TYW1B: variants seen among roughly 807,000 people sequenced by gnomAD.
The protein encoded by TYW1B is tRNA-yW synthesizing protein 1 homolog B.
TYW1B carries 73 observed loss-of-function variants against 86.9 expected under a neutral mutation model. The ratio of observed to expected loss-of-function variants is 0.84; its 90% confidence interval spans 0.70 to 1.02. The LOEUF (loss-of-function observed/expected upper bound fraction) is 1.02, where lower values mean the gene tolerates loss of function less well. Ranked by LOEUF, TYW1B falls within the 50% of genes least tolerant of loss-of-function variation. The probability of loss-of-function intolerance (pLI) is 0.00; values close to 1 mark genes in which losing one functional copy is unlikely to be tolerated. For synonymous variants in TYW1B, 248 were observed against 292.8 expected (o/e 0.85, Z 1.56); for missense variants, 637 against 827.4 (o/e 0.77, Z 2.82).
chr7:72,680,045 C>T (rs1314176628), intron 11 of TYW1B, among the ~76,000 whole-genome samples: 2 of 152,190 alleles, frequency 1.3e-5, no homozygotes, highest in Non-Finnish European at 2.9e-5. Flanking sequence ...GGGAGGACTG[C>T]TTGAGTCCAG....
chr7:72,740,959 T>C (rs1423763826), intron 8 of TYW1B, among the ~76,000 whole-genome samples: 2 of 152,040 alleles, frequency 1.3e-5, no homozygotes, highest in East Asian at 3.9e-4. Flanking sequence ...CTCAATCTCC[T>C]GATCTCGTGA....
intron 7 of TYW1B, among the ~76,000 whole-genome samples, chr7:72,748,224 G>A (rs1265389413): frequency 6.8e-6 from 1 of 148,074 alleles, no homozygotes; most frequent in Non-Finnish European, 1.5e-5. Flanking sequence ...AGCCGAGATG[G>A]CGCCACTGCA....
At chr7:72,591,652 A>G (rs1249819737) in intron 13 of TYW1B, among the ~76,000 whole-genome samples, 1 of 152,184 alleles carries the variant, frequency 6.6e-6, no homozygotes, top group Non-Finnish European at 1.5e-5. Flanking sequence ...ACTCTACTAG[A>G]TCTTCCCTGT....
chr7:72,760,078 C>T (rs142134176), intron 7 of TYW1B, among the ~76,000 whole-genome samples: 29 of 152,282 alleles, frequency 1.9e-4, no homozygotes, highest in Non-Finnish European at 4.1e-4. Context: ...AAAAACCCTG[C>T]TAAAGTTCTT....
chr7:72,769,597 C>A (rs1423492599), intron 7 of TYW1B, among the ~76,000 whole-genome samples: 1 of 152,048 alleles, frequency 6.6e-6, no homozygotes, highest in African/African-American at 2.4e-5. Flanking sequence ...TCAAAAGATA[C>A]CTTTATGGAA....
chr7:72,744,707 T>C, intron 7 of TYW1B, 106 bp from the exon 8 acceptor site: 2 of 1,232,676 alleles, frequency 1.6e-6, no homozygotes, highest in Non-Finnish European at 2.4e-6. Context: ...TAACCATGAA[T>C]ACTCCTACTA....
chr7:72,589,589 A>C (rs1309051713), intron 13 of TYW1B, among the ~76,000 whole-genome samples: 1 of 152,226 alleles, frequency 6.6e-6, no homozygotes, highest in Non-Finnish European at 1.5e-5. Flanking sequence ...CATCTAAACA[A>C]GTATCGGCCG....
intron 11 of TYW1B, among the ~76,000 whole-genome samples, chr7:72,694,027 C>T (rs1391938315): frequency 3.3e-5 from 5 of 152,098 alleles, no homozygotes; most frequent in Non-Finnish European, 7.4e-5. Context: ...GTGGCATGAT[C>T]TTGGCTCACT....
chr7:72,756,835 A>T (rs1554466242), intron 7 of TYW1B, among the ~76,000 whole-genome samples: 1 of 152,198 alleles, frequency 6.6e-6, no homozygotes, highest in Non-Finnish European at 1.5e-5. Flanking sequence ...AAGGATTTGA[A>T]GAGACGTTTC....
chr7:72,795,081 A>G (rs1788283001), intron 6 of TYW1B, among the ~76,000 whole-genome samples: 1 of 151,926 alleles, frequency 6.6e-6, no homozygotes, highest in Non-Finnish European at 1.5e-5. Flanking sequence ...CGGCCTCCCA[A>G]AGTGCTGGGA....
chr7:72,664,217 A>T (rs1813406014), intron 11 of TYW1B, among the ~76,000 whole-genome samples: 1 of 152,080 alleles, frequency 6.6e-6, no homozygotes, highest in Non-Finnish European at 1.5e-5. Context: ...GGTAACAGGC[A>T]TCAATAATCT....
At chr7:72,645,078 C>T (rs528219445) in intron 11 of TYW1B, among the ~76,000 whole-genome samples, 6 of 152,262 alleles carry the variant, frequency 3.9e-5, no homozygotes, top group African/African-American at 7.2e-5. Flanking sequence ...CCACCCACCT[C>T]GGCCTCCCAA....
rs1242393797 is a variant in TYW1B, at chr7:72,650,070, T to G, written c.1507-21073A>C. On this transcript the variant is annotated intron_variant, in intron 11 of 13. Transcript: ENST00000620995. Reference sequence around the variant, plus strand: ...ATGCCTGGCCAATTTTTTTTGTTGGTTTTTTTTTTTTTTTTTGGTATTTTT... The same window carrying G: ...ATGCCTGGCCAATTTTTTTTGTTGGGTTTTTTTTTTTTTTTTGGTATTTTT... Among the ~76,000 whole-genome samples, 189 of 44,084 alleles carry G rather than the reference T, an allele frequency of 4.3e-3. 5 individuals carry two copies. The East Asian group carries it at 0.15, about 36-fold the overall frequency. The allele number at this position is 44,084 out of a possible 152,430, so 28.9% of individuals were successfully genotyped here. A position where few individuals can be genotyped will look rare whatever the true frequency, so the allele number is the denominator to read the frequency against.
intron 7 of TYW1B, among the ~76,000 whole-genome samples, chr7:72,771,534 T>C (rs556873425): frequency 2.0e-5 from 3 of 152,236 alleles, no homozygotes; most frequent in African/African-American, 7.2e-5. Context: ...TGTATAATAA[T>C]AGCTATTTAA....
At chr7:72,601,509 TTAGA>T in intron 13 of TYW1B, among the ~76,000 whole-genome samples, 1 of 152,212 alleles carries the variant, frequency 6.6e-6, no homozygotes, top group Non-Finnish European at 1.5e-5. Context: ...GCAATTGCAC[TTAGA>T]TATTTACCCA....
chr7:72,621,845 T>C (rs1554438033), intron 12 of TYW1B, among the ~76,000 whole-genome samples: 1 of 152,214 alleles, frequency 6.6e-6, no homozygotes, highest in Admixed American at 6.5e-5. Context: ...ATGAACCAGC[T>C]GATAAACGCT....
intron 11 of TYW1B, among the ~76,000 whole-genome samples, chr7:72,652,188 AAC>A (rs1424424463): frequency 2.0e-5 from 3 of 151,842 alleles, no homozygotes; most frequent in Admixed American, 2.0e-4. Flanking sequence ...CCATCTGGCT[AAC>A]ACAGTGAAAC....
At chr7:72,630,766 G>C (rs533080122) in intron 11 of TYW1B, among the ~76,000 whole-genome samples, 2 of 151,922 alleles carry the variant, frequency 1.3e-5, no homozygotes, top group East Asian at 3.9e-4. Flanking sequence ...AAATCTTCCA[G>C]ATTCCCTTTA....
At chr7:72,656,044 G>C (rs1219197226) in intron 11 of TYW1B, among the ~76,000 whole-genome samples, 2 of 152,150 alleles carry the variant, frequency 1.3e-5, no homozygotes, top group Non-Finnish European at 2.9e-5. Flanking sequence ...GGACCCCACA[G>C]CCACTACTGG....
Sources: allele counts gnomAD v4.1 joint callset (sites outside exome capture counted in the v4.1 genomes callset), GRCh38; gene constraint gnomAD v4.1.1; transcripts MANE v1.5; gene names NCBI Gene and HGNC (gene_info 2026-07-23, HGNC 2026-07-21).